Variants in IGF1R observed in about 807,000 individuals in gnomAD.
IGF1R encodes insulin-like growth factor 1 receptor.
IGF1R carries 44 observed loss-of-function variants against 144.6 expected under a neutral mutation model. The ratio of observed to expected loss-of-function variants is 0.30; its 90% CI spans 0.24 to 0.39. The LOEUF (loss-of-function observed/expected upper bound fraction) is 0.39. Among genes scored for constraint, IGF1R ranks in the 10% least tolerant of loss-of-function variants. IGF1R has a pLI of 1.00. For missense variants in IGF1R, 1,355 were observed against 1,833.7 expected, an observed-to-expected ratio of 0.74 and a Z score of 4.77; for synonymous variants, 795 against 722.8, an observed-to-expected ratio of 1.10 and a Z score of -1.60.
intron 1 of IGF1R, among the ~76,000 whole-genome samples, chr15:98,675,944 G>C (rs1039939087): frequency 1.3e-5 from 2 of 149,348 alleles, no homozygotes; most frequent in African/African-American, 5.0e-5. Flanking sequence ...TACTGCCTCA[G>C]CCTCTTAAGT....
intron 5 of IGF1R, among the ~76,000 whole-genome samples, chr15:98,907,345 A>G (rs551191182): frequency 6.6e-6 from 1 of 152,328 alleles, no homozygotes; most frequent in South Asian, 2.1e-4. Context: ...CCAGATGCAG[A>G]GAGATCCCCA....
At chr15:98,726,383 G>A (rs370201828) in intron 2 of IGF1R, among the ~76,000 whole-genome samples, 20 of 152,182 alleles carry the variant, frequency 1.3e-4, no homozygotes, top group African/African-American at 4.3e-4. Context: ...AGAAGGCTAG[G>A]CACCATGTTG....
At chr15:98,734,257 T>G (rs2054561974) in intron 2 of IGF1R, among the ~76,000 whole-genome samples, 1 of 152,218 alleles carries the variant, frequency 6.6e-6, no homozygotes, top group South Asian at 2.1e-4. Flanking sequence ...CTCAGTAGTA[T>G]TAACCTGAAG....
chr15:98,924,479 T>A (rs35802550), intron 12 of IGF1R, 46 bp from the exon 13 acceptor site: 32 of 1,600,626 alleles, frequency 2.0e-5, no homozygotes, highest in Non-Finnish European at 2.7e-5. Flanking sequence ...GCCCCAGATT[T>A]CTCCTGCATT....
At chr15:98,760,336 A>G (rs2055263012) in intron 2 of IGF1R, among the ~76,000 whole-genome samples, 1 of 151,832 alleles carries the variant, frequency 6.6e-6, no homozygotes, top group Admixed American at 6.6e-5. Context: ...TGAGCAACAG[A>G]GAGAGACTGC....
chr15:98,832,810 G>T (rs2057025695), intron 2 of IGF1R, among the ~76,000 whole-genome samples: 1 of 152,162 alleles, frequency 6.6e-6, no homozygotes, highest in African/African-American at 2.4e-5. Context: ...GTATGCCATG[G>T]TTTATACAAT....
intron 8 of IGF1R, among the ~76,000 whole-genome samples, chr15:98,915,391 GTGGACTT>G (rs1202357866): frequency 6.6e-6 from 1 of 152,204 alleles, no homozygotes; most frequent in African/African-American, 2.4e-5. Context: ...TGTGGAAATG[GTGGACTT>G]CCGTGTTCTT....
chr15:98,651,322 C>A (rs1406366151), intron 1 of IGF1R, among the ~76,000 whole-genome samples: 3 of 152,218 alleles, frequency 2.0e-5, no homozygotes, highest in African/African-American at 7.2e-5. Flanking sequence ...GGGACGCGGA[C>A]TGGGGCCGGA....
rs56121011 is a variant in IGF1R, at chr15:98,755,718, C to CAAAAAAA, written c.640+47640_640+47646dup. Among the ~76,000 whole-genome samples, 16 of 34,500 alleles carry CAAAAAAA rather than the reference C, an allele frequency of 4.6e-4. 1 individual carries two copies. Among genetic ancestry groups the CAAAAAAA allele is most frequent in the African/African-American group, 2.2e-3 (14 of 6,444 alleles). The allele number at this position is 34,500 out of a possible 152,430, so 22.6% of individuals were successfully genotyped here. On this transcript the variant is annotated intron_variant, in intron 2 of 20. Transcript: ENST00000650285. ...TGAATGACAGAGCAAAACTCCATTG[C>CAAAAAAA]AAAAAAAAAAAAAAAAAAAAAAAAA... is the stretch of plus-strand genomic sequence containing the variant.
intron 20 of IGF1R, among the ~76,000 whole-genome samples, chr15:98,953,643 T>C (rs1297685254): frequency 6.6e-6 from 1 of 152,206 alleles, no homozygotes; most frequent in East Asian, 1.9e-4. Flanking sequence ...CCATTTGTTC[T>C]GCTGCTAACA....
At position 98,771,534 on chromosome 15, in the gene IGF1R, A is replaced by G. The variant is rs532582858; in HGVS notation, c.640+63427A>G. Among the ~76,000 whole-genome samples, 4 of 152,298 alleles carry G rather than the reference A, an allele frequency of 2.6e-5. 1 individual carries two copies. The highest frequency in any genetic ancestry group is 9.6e-5 in the African/African-American group (4 of 41,556). ...GTAAGCAGAGAAGTTATTTATATAT[A>G]GTGAGACCCAGTAAACGGTGATGTC... On this transcript the variant is annotated intron_variant, in intron 2 of 20. Coordinates refer to ENST00000650285, the MANE Select transcript of IGF1R (RefSeq NM_000875.5).
intron 1 of IGF1R, among the ~76,000 whole-genome samples, chr15:98,705,977 G>A (rs1176681711): frequency 2.6e-5 from 4 of 152,246 alleles, no homozygotes; most frequent in Non-Finnish European, 5.9e-5. Flanking sequence ...TCTGGCCTGT[G>A]GGATATTTAC....
intron 3 of IGF1R, among the ~76,000 whole-genome samples, chr15:98,892,640 T>C (rs2013985894): frequency 6.6e-6 from 1 of 152,174 alleles, no homozygotes; most frequent in African/African-American, 2.4e-5. Flanking sequence ...GAAAATAAGA[T>C]GTTAGCATTG....
At chr15:98,865,857 C>T (rs2012411201) in intron 2 of IGF1R, among the ~76,000 whole-genome samples, 3 of 152,084 alleles carry the variant, frequency 2.0e-5, no homozygotes, top group Admixed American at 2.0e-4. Context: ...TCTCAGTACA[C>T]ACCCTAGTGT....
chr15:98,715,651 G>A (rs910149786), intron 2 of IGF1R, among the ~76,000 whole-genome samples: 2 of 152,174 alleles, frequency 1.3e-5, no homozygotes, highest in East Asian at 1.9e-4. Context: ...CTCAACTTGC[G>A]TGTATAGGGT....
chr15:98,797,282 A>T (rs1159649372), intron 2 of IGF1R, among the ~76,000 whole-genome samples: 1 of 152,168 alleles, frequency 6.6e-6, no homozygotes, highest in East Asian at 1.9e-4. Flanking sequence ...CTGCAGCCCG[A>T]GCCCCGTTTT....
At chr15:98,943,882 T>G (rs1459860102) in intron 19 of IGF1R, among the ~76,000 whole-genome samples, 1 of 150,414 alleles carries the variant, frequency 6.6e-6, no homozygotes, top group Non-Finnish European at 1.5e-5. Context: ...ACTGACATCA[T>G]TTTTTTTTTA....
chr15:98,807,157 A>G (rs759475389), intron 2 of IGF1R, among the ~76,000 whole-genome samples: 9 of 152,184 alleles, frequency 5.9e-5, no homozygotes, highest in South Asian at 2.1e-4. Flanking sequence ...TGATTGTAGC[A>G]TGGTGGGATT....
chr15:98,793,417 CTGT>C, intron 2 of IGF1R, among the ~76,000 whole-genome samples: 1 of 152,184 alleles, frequency 6.6e-6, no homozygotes, highest in Non-Finnish European at 1.5e-5. Context: ...TCAGATGTTC[CTGT>C]TACTGTTATC....
Sources: allele counts gnomAD v4.1 joint callset (sites outside exome capture counted in the v4.1 genomes callset), GRCh38; gene constraint gnomAD v4.1.1; transcripts MANE v1.5; gene names NCBI Gene and HGNC (gene_info 2026-07-23, HGNC 2026-07-21).